The following ENPP3 variants were observed in gnomAD, a reference collection of about 807,000 sequenced individuals.
ENPP3 encodes ectonucleotide pyrophosphatase/phosphodiesterase family member 3.
Under a neutral mutation model 117.8 loss-of-function variants are expected in ENPP3, and 104 were observed. The observed-to-expected ratio is 0.88, with a 90% CI of 0.75 to 1.04. The LOEUF (loss-of-function observed/expected upper bound fraction) is 1.04. Ranked by LOEUF, ENPP3 falls within the 50% of genes least tolerant of loss-of-function variation. The pLI, the probability that ENPP3 is intolerant of heterozygous loss-of-function variation, is 0.00. For synonymous variants in ENPP3, 380 were observed against 349.9 expected, an observed-to-expected ratio of 1.09 and a Z score of -0.96; for missense variants, 1,026 against 1,051.9, an observed-to-expected ratio of 0.98 and a Z score of 0.34.
rs1779131968 is a variant in ENPP3 at position 131,685,420 on chromosome 6, A to AT, written c.1178dup (p.Asn394LysfsTer17). 6.2e-7 allele frequency: 1 copy of AT among 1,613,358 alleles called. No homozygotes were observed. Among genetic ancestry groups the AT allele is most frequent in the Non-Finnish European group, 8.5e-7 (1 of 1,179,388 alleles). ...ATACATGACTGATTATTTTCCCAGA[A>AT]TAAACTTCTTCTACATGTACGAAGG... On this transcript the variant is annotated frameshift_variant, in exon 13 of 25. Coordinates refer to ENST00000357639, the MANE Select transcript of ENPP3 (RefSeq NM_005021.5). LOFTEE classifies it high-confidence loss of function.
chr6:131,683,913 G>A (rs1052963937), intron 12 of ENPP3, among the ~76,000 whole-genome samples: 1 of 151,936 alleles, frequency 6.6e-6, no homozygotes, highest in Non-Finnish European at 1.5e-5. Flanking sequence ...ACCACGCCTG[G>A]CTAATTTTTT....
At chr6:131,641,702 G>A (rs1040141188) in intron 2 of ENPP3, among the ~76,000 whole-genome samples, 172 bp downstream of exon 2, 2 of 151,278 alleles carry the variant, frequency 1.3e-5, no homozygotes, top group South Asian at 2.1e-4. Flanking sequence ...TCTGAGGTTG[G>A]CATTGCTCAC....
intron 2 of ENPP3, among the ~76,000 whole-genome samples, chr6:131,649,557 C>CTAT (rs929011392): frequency 6.6e-6 from 1 of 151,872 alleles, no homozygotes; most frequent in Non-Finnish European, 1.5e-5. Flanking sequence ...AATGTCATTA[C>CTAT]TATTATTATT....
rs746432273 is a variant in ENPP3 at position 131,685,892 on chromosome 6, T to C, written c.1269T>C (p.Ile423=). ...HDFFSFNSEE[I]VRNLSCRKPD... is the part of the protein sequence containing the mutation. ...TTGAAACAGTTAATTCTGAGGAAAT[T>C]GTTAGAAACCTCAGTGTAAGTATAC... is the stretch of plus-strand genomic sequence containing the variant. Residue 423 remains isoleucine, a synonymous_variant, in exon 14 of 25, where the codon ATT becomes ATC. Coordinates refer to ENST00000357639, the MANE Select transcript of ENPP3 (RefSeq NM_005021.5). 3 of 951,678 alleles carry C rather than the reference T, an allele frequency of 3.2e-6. No individual in the cohort carries two copies. Among genetic ancestry groups the C allele is most frequent in the Non-Finnish European group, 3.3e-6 (2 of 606,542 alleles). The allele number at this position is 951,678 out of a possible 1,614,324, so 59.0% of individuals were successfully genotyped here.
intron 18 of ENPP3, among the ~76,000 whole-genome samples, chr6:131,722,981 G>A (rs916932416): frequency 6.6e-6 from 1 of 152,186 alleles, no homozygotes; most frequent in Admixed American, 6.5e-5. Flanking sequence ...TTAGTGCTAG[G>A]AGAGGCCCCA....
chr6:131,696,564 G>A (rs139821062), intron 15 of ENPP3, among the ~76,000 whole-genome samples: 4 of 152,332 alleles, frequency 2.6e-5, no homozygotes, highest in Admixed American at 2.6e-4. Context: ...TGCCAACAAG[G>A]TGAGTGGGAG....
chr6:131,639,620 A>C (rs1182936016), intron 1 of ENPP3, among the ~76,000 whole-genome samples: 1 of 152,150 alleles, frequency 6.6e-6, no homozygotes, highest in Non-Finnish European at 1.5e-5. Context: ...CTAAAGTTTC[A>C]CTTAAACATT....
chr6:131,664,551 A>G (rs144624249), intron 6 of ENPP3, among the ~76,000 whole-genome samples: 72 of 152,308 alleles, frequency 4.7e-4, no homozygotes, highest in Middle Eastern at 3.4e-3. Flanking sequence ...TATCAAGTCT[A>G]TAGTAGTTTA....
At chr6:131,682,218 G>A (rs1380759691) in intron 11 of ENPP3, among the ~76,000 whole-genome samples, 1 of 152,080 alleles carries the variant, frequency 6.6e-6, no homozygotes, top group African/African-American at 2.4e-5. Flanking sequence ...TTGTGGCCAA[G>A]CGTGTCAGCT....
chr6:131,679,087 T>TTCC (rs1778964401), intron 11 of ENPP3, among the ~76,000 whole-genome samples: 1 of 119,930 alleles, frequency 8.3e-6, no homozygotes, highest in African/African-American at 3.5e-5. Context: ...CTTTCTTTCT[T>TTCC]TTCTTCTTTC....
chr6:131,647,418 A>G (rs1025975944), intron 2 of ENPP3, among the ~76,000 whole-genome samples: 1 of 152,230 alleles, frequency 6.6e-6, no homozygotes, highest in African/African-American at 2.4e-5. Flanking sequence ...GTATAACACT[A>G]TGGAGAATAT....
At position 131,637,305 on chromosome 6, in the gene ENPP3, C is replaced by A. The variant is rs1777946646; in HGVS notation, c.-80C>A. ...GTCAGGCACAGCTATGTAACTCATA[C>A]AGTTTCTCTTTGCCAGACTAGACTA... is the stretch of plus-strand genomic sequence containing the variant. On this transcript the variant is annotated 5_prime_UTR_variant, in exon 1 of 25. Coordinates refer to ENST00000357639, the MANE Select transcript of ENPP3 (RefSeq NM_005021.5). The A allele has an allele frequency of 1.2e-6, 1 of 822,352 alleles. No homozygotes were observed. Among genetic ancestry groups the A allele is most frequent in the South Asian group, 2.3e-5 (1 of 44,116 alleles). 50.9% of individuals were successfully genotyped at this position (822,352 alleles called of 1,614,324 possible). A position where few individuals can be genotyped will look rare whatever the true frequency, so the allele number is the denominator to read the frequency against.
intron 12 of ENPP3, among the ~76,000 whole-genome samples, chr6:131,683,612 C>T (rs1779079902): frequency 6.6e-6 from 1 of 152,066 alleles, no homozygotes; most frequent in Non-Finnish European, 1.5e-5. Context: ...TGTCACCTCA[C>T]ATTTCTCTAC....
At chr6:131,718,597 A>T (rs2114522366) in intron 15 of ENPP3, 75 bp from the exon 16 acceptor site, 1 of 664,024 alleles carries the variant, frequency 1.5e-6, no homozygotes, top group African/African-American at 1.9e-5. Context: ...GAAACTATAT[A>T]AAATTAGTTA....
chr6:131,637,421 G>A lies in ENPP3; in HGVS notation c.37G>A (p.Val13Ile). 1 of 1,595,714 alleles carries A rather than the reference G, an allele frequency of 6.3e-7. No homozygotes were observed. The highest frequency in any genetic ancestry group is 8.5e-7 in the Non-Finnish European group (1 of 1,171,262). The change falls in exon 1 of 25, where the codon GTT (valine) becomes ATT (isoleucine). Residue 13 changes from valine (V) to isoleucine (I), a missense_variant. Val to Ile is a conservative substitution (Grantham distance 29, BLOSUM62 3). Transcript: ENST00000357639. ...STLTLATEQP[V>I]KKNTLKKYKI... ...GTTGACTTTAGCAACGGAACAACCT[G>A]TTAAGAAGAACACTCTTAAGAAATA...
chr6:131,717,354 GTGTGTGT>G (rs1562470362), intron 15 of ENPP3, among the ~76,000 whole-genome samples: 275 of 8,470 alleles, frequency 0.032, 5 homozygotes, highest in East Asian at 0.17. Flanking sequence ...TGCGGGGGGT[GTGTGTGT>G]GTGTGTGTGT....
chr6:131,739,441 G>A (rs940609110), intron 23 of ENPP3, among the ~76,000 whole-genome samples: 2 of 152,120 alleles, frequency 1.3e-5, no homozygotes, highest in Non-Finnish European at 2.9e-5. Flanking sequence ...GAATTAGAGG[G>A]TGAATGAAAG....
chr6:131,741,463 G>A (rs959173201), intron 24 of ENPP3, among the ~76,000 whole-genome samples: 81 of 152,282 alleles, frequency 5.3e-4, no homozygotes, highest in African/African-American at 1.8e-3. Flanking sequence ...TTTAATATTT[G>A]AAATTAAAAT....
At chr6:131,671,207 G>T (rs1350532958) in intron 6 of ENPP3, 41 bp from the exon 7 acceptor site, 11 of 1,152,356 alleles carry the variant, frequency 9.5e-6, no homozygotes, top group African/African-American at 1.5e-5. Flanking sequence ...AAAAACTGAA[G>T]AAGAAACAAC....
Sources: gnomAD v4.1 joint callset for allele counts (sites outside exome capture counted in the v4.1 genomes callset) on GRCh38, gnomAD v4.1.1 for gene constraint, MANE v1.5 for transcripts, NCBI Gene and HGNC (gene_info 2026-07-23, HGNC 2026-07-21) for gene names.